RAPGEF3: variants seen among roughly 807,000 people sequenced by gnomAD.
RAPGEF3 encodes the protein 9330170P05Rik.
A neutral mutation model predicts 129.8 loss-of-function variants in RAPGEF3; 103 were observed. The observed-to-expected ratio is 0.79, with a 90% CI of 0.68 to 0.93. The LOEUF (loss-of-function observed/expected upper bound fraction) is 0.93. Among genes scored for constraint, RAPGEF3 ranks in the 40% least tolerant of loss-of-function variants. RAPGEF3 has a pLI of 0.00. For synonymous variants in RAPGEF3, 436 were observed against 482.6 expected (o/e 0.90, Z 1.26); for missense variants, 1,117 against 1,207.4 (o/e 0.93, Z 1.11).
In RAPGEF3 at chr12:47,737,260, G is replaced by A. The variant is rs73302679; in HGVS notation, c.*307C>T. On this transcript the variant is annotated 3_prime_UTR_variant, in exon 28 of 28. Coordinates refer to ENST00000449771, the MANE Select transcript of RAPGEF3 (RefSeq NM_001098531.4). ...GCACAGAATCTGGAAGACATCTGGTGTGGAGACCTCTCTATTGCACACAAC... is the reference window on the plus strand; with the variant it reads ...GCACAGAATCTGGAAGACATCTGGTATGGAGACCTCTCTATTGCACACAAC... 5,366 of 372,446 alleles carry A rather than the reference G, an allele frequency of 0.014. 263 individuals are homozygous for A. Among genetic ancestry groups the A allele is most frequent in the African/African-American group, 0.1 (4,858 of 47,660 alleles). The allele number at this position is 372,446 out of a possible 1,614,324, so 23.1% of individuals were successfully genotyped here. A position where few individuals can be genotyped will look rare whatever the true frequency, so the allele number is the denominator to read the frequency against.
At chr12:47,744,227 A>G (rs1336618969) in intron 16 of RAPGEF3, 159 bp from the exon 17 acceptor site, 1 of 634,784 alleles carries the variant, frequency 1.6e-6, no homozygotes, top group African/African-American at 1.8e-5. Flanking sequence ...AGCTCAGGTA[A>G]GGCACCTGGG....
chr12:47,738,875 C>G (rs1488560559), intron 24 of RAPGEF3, 121 bp from the exon 25 acceptor site: 6 of 916,950 alleles, frequency 6.5e-6, no homozygotes, highest in Non-Finnish European at 3.6e-6. Context: ...CCTGCCTCTG[C>G]CCCCTCCAAG....
At chr12:47,737,983 C>T in intron 27 of RAPGEF3, 39 bp downstream of exon 27, 1 of 1,538,946 alleles carries the variant, frequency 6.5e-7, no homozygotes, top group Non-Finnish European at 9.0e-7. Flanking sequence ...CTACCATAAG[C>T]ACCCCCTCCC....
intron 16 of RAPGEF3, chr12:47,744,432 T>A: frequency 7.6e-6 from 2 of 261,500 alleles, no homozygotes; most frequent in Non-Finnish European, 1.5e-5. Flanking sequence ...ATTCTGAGGA[T>A]CTAAATATTC....
chr12:47,756,365 A>T (rs1228928193), intron 2 of RAPGEF3: 1 of 152,236 alleles, frequency 6.6e-6, no homozygotes, highest in Non-Finnish European at 1.5e-5. Flanking sequence ...AGAGGGAAGG[A>T]GGGAGGGAGG....
rs536821209 is a variant in RAPGEF3, at chr12:47,739,768, C to T, written c.2373+373G>A. 8.8e-5 allele frequency: 35 copies of T among 397,116 alleles called. No individual in the cohort carries two copies. The East Asian group carries it at 1.6e-3, about 18-fold the overall frequency. The allele number at this position is 397,116 out of a possible 1,614,324, so 24.6% of individuals were successfully genotyped here. On this transcript the variant is annotated intron_variant, in intron 23 of 27. Transcript: ENST00000449771. ...CGGAGTTCCTGAGGGGCAGACAGGC[C>T]CTGGTGCACACAGGCGCTCCATGCC...
intron 18 of RAPGEF3, chr12:47,741,902 C>A: frequency 2.4e-6 from 1 of 420,220 alleles, no homozygotes; most frequent in South Asian, 3.5e-5. Context: ...ATAAGACTTG[C>A]CCCAACTATT....
At position 47,746,743 on chromosome 12, in the gene RAPGEF3, G is replaced by T. The variant is rs1222153424; in HGVS notation, c.1596+117C>A. ...CGTGAACACCTATCAGAGACCCAAG[G>T]GTGTGTCTGTGGGAGGAGAGCTTCC... On this transcript the variant is annotated intron_variant, in intron 16 of 27. Coordinates refer to ENST00000449771, the MANE Select transcript of RAPGEF3 (RefSeq NM_001098531.4). 5.2e-6 allele frequency: 6 copies of T among 1,158,264 alleles called. No homozygotes were observed. In the East Asian group the frequency reaches 1.0e-4, roughly 20 times the overall value. 71.7% of individuals were successfully genotyped at this position (1,158,264 alleles called of 1,614,324 possible). A position where few individuals can be genotyped will look rare whatever the true frequency, so the allele number is the denominator to read the frequency against.
At chr12:47,739,748 T>C in intron 23 of RAPGEF3, 1 of 369,730 alleles carries the variant, frequency 2.7e-6, no homozygotes, top group South Asian at 2.8e-5. Context: ...CCCCTCGGAG[T>C]TCCTGAGGGG....
rs1940853568 is a variant in RAPGEF3, at chr12:47,737,575, C to G, written c.2764G>C (p.Glu922Gln). The G allele has an allele frequency of 3.1e-6, 5 of 1,612,248 alleles. No individual in the cohort carries two copies. Among genetic ancestry groups the G allele is most frequent in the African/African-American group, 2.7e-5 (2 of 74,906 alleles). ...CCAGTCCCAGCCCCTCCTCATGGCT[C>G]CAGCTCTCGGGAGAGGCGGGAGAGT... ...RELSRLSREL[E>Q]P Residue 922 changes from glutamate (E) to glutamine (Q), a missense_variant, in exon 28 of 28, where the codon GAG (glutamate) becomes CAG (glutamine). This residue lies in a region of RAPGEF3 where 643 missense variants were observed against 673.4 expected (regional missense o/e 0.95). Transcript: ENST00000449771.
chr12:47,747,487 G>A (rs553981590), intron 15 of RAPGEF3, 57 bp downstream of exon 15: 15 of 1,557,610 alleles, frequency 9.6e-6, no homozygotes, highest in Non-Finnish European at 1.3e-5. Context: ...GTATGCTCTT[G>A]GTCCCCATGG....
chr12:47,748,790 G>T (rs774341101), intron 11 of RAPGEF3, 29 bp downstream of exon 11: 1 of 1,464,204 alleles, frequency 6.8e-7, no homozygotes, highest in African/African-American at 1.4e-5. Context: ...GAGGGACAGT[G>T]TGGAGAGGGA....
intron 2 of RAPGEF3, chr12:47,753,910 G>A (rs1269024524): frequency 1.3e-5 from 2 of 152,230 alleles, no homozygotes; most frequent in Admixed American, 6.5e-5. Context: ...CAGGGGATGA[G>A]GATGCAGGTC....
rs73302664 is a variant in RAPGEF3, at chr12:47,735,113, C to T, written c.*2454G>A. The T allele has an allele frequency of 0.031, 4,797 of 152,326 alleles. 236 individuals carry two copies. Among genetic ancestry groups the T allele is most frequent in the African/African-American group, 0.11 (4,506 of 41,514 alleles). The allele number at this position is 152,326 out of a possible 1,614,324, so 9.4% of individuals were successfully genotyped here. On this transcript the variant is annotated 3_prime_UTR_variant, in exon 28 of 28. Coordinates refer to ENST00000449771, the MANE Select transcript of RAPGEF3 (RefSeq NM_001098531.4). The stretch of plus-strand genomic sequence containing the variant: ...TGACCTCCCTCTGTCCTGTCCTGCC[C>T]GGTAGGACACACACGCAGCCATTCC...
Position 47,738,206 on chromosome 12 carries a change from T to A in RAPGEF3, c.2568A>T (p.Arg856=), listed in dbSNP as rs747000466. The A allele has an allele frequency of 1.9e-6, 3 of 1,613,814 alleles. No homozygotes were observed. Among genetic ancestry groups the A allele is most frequent in the Non-Finnish European group, 2.5e-6 (3 of 1,180,012 alleles). ...ARAARMLHHC[R]SHNPVPLSPL... ...CCGCCCTCTCACCAGGGTTGTGGCT[T>A]CGGCAGTGGTGCAGCATCCGCGCGG... Residue 856 remains arginine, a synonymous_variant, in exon 26 of 28, where the codon CGA becomes CGT. Transcript: ENST00000449771.
At chr12:47,738,389 C>T (rs879912020) in intron 25 of RAPGEF3, 142 bp from the exon 26 acceptor site, 9 of 1,132,166 alleles carry the variant, frequency 7.9e-6, no homozygotes, top group South Asian at 2.7e-5. Flanking sequence ...ATGTGTACTT[C>T]GCCTCAGCAC....
Position 47,740,700 on chromosome 12 carries a change from A to G in RAPGEF3, c.2173T>C (p.Cys725Arg). 1 of 1,613,946 alleles carries G rather than the reference A, an allele frequency of 6.2e-7. No individual in the cohort carries two copies. Among genetic ancestry groups the G allele is most frequent in the African/African-American group, 1.3e-5 (1 of 75,072 alleles). The part of the protein sequence containing the change: ...QYWVATELCL[C>R]PVPGPRAQLL... The stretch of plus-strand genomic sequence containing the variant: ...TGGGCCCGGGGGCCGGGCACGGGGC[A>G]GAGACACAGCTCGGTGGCCACCCAG... The change falls in exon 21 of 28, where the codon TGC becomes CGC. Residue 725 changes from cysteine (C) to arginine (R), a missense_variant. This residue lies in a region of RAPGEF3 where 643 missense variants were observed against 673.4 expected (regional missense o/e 0.95). Coordinates refer to ENST00000449771, the MANE Select transcript of RAPGEF3 (RefSeq NM_001098531.4).
chr12:47,740,311 G>A lies in RAPGEF3; in HGVS notation c.2316C>T (p.Thr772=). 1 of 1,614,022 alleles carries A rather than the reference G, an allele frequency of 6.2e-7. No individual in the cohort carries two copies. The highest frequency in any genetic ancestry group is 1.1e-5 in the South Asian group (1 of 91,086). ...CCCTCCAGACCACACTTACCTCCCA[G>A]GTGTGGGCTAGGCGGCTGATGGCCG... is the stretch of plus-strand genomic sequence containing the variant. ...SNSAISRLAH[T]WERLPHKVRK... The change falls in exon 22 of 28, where the codon ACC becomes ACT. Residue 772 remains threonine, a synonymous_variant. Coordinates refer to ENST00000449771, the MANE Select transcript of RAPGEF3 (RefSeq NM_001098531.4).
chr12:47,748,462 T>A lies in RAPGEF3; in HGVS notation c.1235A>T (p.Asp412Val), dbSNP rs199960016. Reference protein sequence around the residue: ...EAMGPDSSAHDPTETFLSDFL... With the variant: ...EAMGPDSSAHVPTETFLSDFL... Reference sequence around the variant, plus strand: ...GTGTCTCTTGCCCTTACCTGTTGGGTCATGAGCACTGGAATCTGGTCCCAT... The same window carrying A: ...GTGTCTCTTGCCCTTACCTGTTGGGACATGAGCACTGGAATCTGGTCCCAT... Residue 412 changes from aspartate (D) to valine (V), a missense_variant, in exon 12 of 28, where the codon GAC becomes GTC. Coordinates refer to ENST00000449771, the MANE Select transcript of RAPGEF3 (RefSeq NM_001098531.4). 6.5e-5 allele frequency: 105 copies of A among 1,613,212 alleles called. No homozygotes were observed. The highest frequency in any genetic ancestry group is 8.7e-5 in the Non-Finnish European group (103 of 1,179,740).
Sources: gnomAD v4.1 joint callset for allele counts on GRCh38, gnomAD v4.1.1 for gene constraint, gnomAD v4.1.1 regional missense constraint, MANE v1.5 for transcripts, NCBI Gene and HGNC (gene_info 2026-07-23, HGNC 2026-07-21) for gene names.